PCDHGA4: variants seen among roughly 807,000 people sequenced by gnomAD.
The protein encoded by PCDHGA4 is protocadherin gamma-A4.
In PCDHGA4, 38 loss-of-function variants were observed where a neutral mutation model predicts 54.6. The observed-to-expected ratio is 0.70, with a 90% CI of 0.54 to 0.91. PCDHGA4 has a LOEUF of 0.91. Ranked by LOEUF, PCDHGA4 falls within the 40% of genes least tolerant of loss-of-function variation. The pLI is 0.00. For synonymous variants in PCDHGA4, 511 were observed against 512.9 expected (o/e 1.00, Z 0.05); for missense variants, 1,298 against 1,220.9 (o/e 1.06, Z -0.94).
intron 1 of PCDHGA4, chr5:141,478,018 C>G: frequency 6.2e-7 from 1 of 1,614,124 alleles, no homozygotes; most frequent in Non-Finnish European, 8.5e-7. Flanking sequence ...CCCGTCCAGT[C>G]CAAGACACAG....
intron 1 of PCDHGA4, chr5:141,372,265 G>C: frequency 1.5e-5 from 25 of 1,613,132 alleles, no homozygotes; most frequent in Non-Finnish European, 2.1e-5. Flanking sequence ...CTGCGCACGG[G>C]TGAGGTGCGC....
intron 1 of PCDHGA4, chr5:141,414,797 G>A: frequency 6.2e-7 from 1 of 1,614,230 alleles, no homozygotes. Context: ...GCCAGCGACA[G>A]CGGGGATCCT....
At chr5:141,510,677 A>G (rs2099882239) in intron 3 of PCDHGA4, among the ~76,000 whole-genome samples, 2 of 152,212 alleles carry the variant, frequency 1.3e-5, no homozygotes, top group African/African-American at 4.8e-5. Context: ...CTGAAGTGGC[A>G]TAAGGAGGTT....
intron 1 of PCDHGA4, chr5:141,427,922 G>A: frequency 6.3e-7 from 1 of 1,580,742 alleles, no homozygotes; most frequent in Non-Finnish European, 8.6e-7. Flanking sequence ...ACATGAGCCG[G>A]CGCATGTTGG....
chr5:141,427,928 G>A (rs1178662640), intron 1 of PCDHGA4: 2 of 1,583,504 alleles, frequency 1.3e-6, no homozygotes. Flanking sequence ...GCCGGCGCAT[G>A]TTGGTGGGCG....
intron 2 of PCDHGA4, among the ~76,000 whole-genome samples, chr5:141,496,592 T>G (rs948403662): frequency 6.6e-6 from 1 of 152,136 alleles, no homozygotes; most frequent in African/African-American, 2.4e-5. Context: ...GCAAAGCGCT[T>G]CTTAGAAGGC....
At chr5:141,497,807 T>G (rs2099779585) in intron 2 of PCDHGA4, among the ~76,000 whole-genome samples, 1 of 152,210 alleles carries the variant, frequency 6.6e-6, no homozygotes, top group African/African-American at 2.4e-5. Context: ...CCCAAAGTGC[T>G]AGAATTACAG....
At chr5:141,497,129 T>G (rs528066007) in intron 2 of PCDHGA4, among the ~76,000 whole-genome samples, 1 of 151,692 alleles carries the variant, frequency 6.6e-6, no homozygotes, top group Admixed American at 6.6e-5. Flanking sequence ...GAGGTTGCAG[T>G]GAGCTGAGAT....
intron 1 of PCDHGA4, among the ~76,000 whole-genome samples, chr5:141,443,829 A>G (rs1387307023): frequency 6.6e-6 from 1 of 152,228 alleles, no homozygotes; most frequent in Non-Finnish European, 1.5e-5. Flanking sequence ...ATAATTAGGT[A>G]AAATGGGTAA....
chr5:141,388,514 GA>G (rs1218773677), intron 1 of PCDHGA4: 33 of 1,613,840 alleles, frequency 2.0e-5, no homozygotes, highest in Non-Finnish European at 2.8e-5. Flanking sequence ...CCTACCACTT[GA>G]CTTTGACTGC....
At chr5:141,464,279 C>CAA (rs373828487) in intron 1 of PCDHGA4, among the ~76,000 whole-genome samples, 8,568 of 137,664 alleles carry the variant, frequency 0.062, 499 homozygotes, top group African/African-American at 0.16. Context: ...AAAAAAAAAG[C>CAA]AAAAAAAAAA....
chr5:141,401,641 A>C (rs557366973), intron 1 of PCDHGA4, among the ~76,000 whole-genome samples: 1 of 152,374 alleles, frequency 6.6e-6, no homozygotes, highest in African/African-American at 2.4e-5. Context: ...GGAGCTTTAA[A>C]TATAAATGAC....
chr5:141,360,064 C>T (rs769109998), intron 1 of PCDHGA4: 18 of 1,462,328 alleles, frequency 1.2e-5, no homozygotes, highest in Non-Finnish European at 1.5e-5. Context: ...GGAAAAGTGA[C>T]CTTAGCCCGG....
intron 1 of PCDHGA4, chr5:141,387,892 G>C (rs2091136247): frequency 6.5e-7 from 1 of 1,550,258 alleles, no homozygotes; most frequent in African/African-American, 1.4e-5. Context: ...GGGATGGGGA[G>C]CGGCGCCGGG....
intron 1 of PCDHGA4, chr5:141,412,334 T>C (rs371361193): frequency 2.0e-5 from 3 of 152,262 alleles, no homozygotes; most frequent in Admixed American, 1.3e-4. Flanking sequence ...GCAACTGTAA[T>C]ATATGTTCAT....
intron 1 of PCDHGA4, chr5:141,361,736 C>T (rs1267225660): frequency 6.2e-7 from 1 of 1,613,182 alleles, no homozygotes; most frequent in Non-Finnish European, 8.5e-7. Flanking sequence ...ACACTGCAGG[C>T]CCGCGACCAG....
chr5:141,463,644 G>C (rs1356692609), intron 1 of PCDHGA4, among the ~76,000 whole-genome samples: 1 of 151,596 alleles, frequency 6.6e-6, no homozygotes, highest in Non-Finnish European at 1.5e-5. Context: ...GTAGAGACGG[G>C]GTTTCACCGT....
intron 1 of PCDHGA4, chr5:141,419,828 AC>A (rs1189387492): frequency 6.2e-7 from 1 of 1,614,022 alleles, no homozygotes; most frequent in Non-Finnish European, 8.5e-7. Flanking sequence ...CCTTTCAGCC[AC>A]TGCCACGCTG....
At chr5:141,468,701 C>A (rs1186497330) in intron 1 of PCDHGA4, 2 of 151,628 alleles carry the variant, frequency 1.3e-5, no homozygotes, top group African/African-American at 2.4e-5. Flanking sequence ...CCCGTCTCTA[C>A]TAAAAATATA....
Sources: allele counts gnomAD v4.1 joint callset (sites outside exome capture counted in the v4.1 genomes callset), GRCh38; gene constraint gnomAD v4.1.1; transcripts MANE v1.5; gene names NCBI Gene and HGNC (gene_info 2026-07-23, HGNC 2026-07-21).